Variants in NPEPPS observed in about 807,000 individuals in gnomAD.
NPEPPS encodes aminopeptidase puromycin sensitive.
In NPEPPS, 14 loss-of-function variants were observed where a neutral mutation model predicts 115.5. The observed-to-expected ratio is 0.12, with a 90% CI of 0.08 to 0.19. The LOEUF is 0.19. Ranked by LOEUF, NPEPPS falls within the 10% of genes least tolerant of loss-of-function variation. The pLI, the probability that NPEPPS is intolerant of heterozygous loss-of-function variation, is 1.00. For synonymous variants in NPEPPS, 285 were observed against 390.6 expected (o/e 0.73, Z 3.19); for missense variants, 523 against 1,110.8 (o/e 0.47, Z 7.52).
intron 9 of NPEPPS, among the ~76,000 whole-genome samples, chr17:47,587,603 A>G (rs1464854549): frequency 1.3e-5 from 2 of 152,296 alleles, no homozygotes; most frequent in East Asian, 3.9e-4. Context: ...AAGTCAAGAT[A>G]CTAATTTGGG....
intron 19 of NPEPPS, among the ~76,000 whole-genome samples, chr17:47,615,698 C>A (rs1422584837): frequency 2.0e-4 from 30 of 152,100 alleles, no homozygotes. Context: ...TCCATCTATT[C>A]CATGATGATA....
At chr17:47,605,276 T>G in intron 16 of NPEPPS, 57 bp from the exon 17 acceptor site, 1 of 1,307,198 alleles carries the variant, frequency 7.6e-7, no homozygotes, top group Non-Finnish European at 1.1e-6. Flanking sequence ...AAATGCATGC[T>G]TATGTTTTTT....
chr17:47,600,362 T>C (rs1913116820), intron 14 of NPEPPS, among the ~76,000 whole-genome samples: 1 of 151,826 alleles, frequency 6.6e-6, no homozygotes, highest in African/African-American at 2.4e-5. Flanking sequence ...CTTGAGCCCA[T>C]GAGATCGAGG....
chr17:47,599,622 A>C (rs1187107386), intron 13 of NPEPPS, 54 bp from the exon 14 acceptor site: 7 of 1,479,242 alleles, frequency 4.7e-6, no homozygotes, highest in African/African-American at 1.4e-5. Context: ...AAAAACAAAA[A>C]CCAAAACCCC....
intron 1 of NPEPPS, among the ~76,000 whole-genome samples, chr17:47,544,867 C>T (rs1909082728): frequency 6.7e-6 from 1 of 148,600 alleles, no homozygotes; most frequent in Non-Finnish European, 1.5e-5. Flanking sequence ...TGTGTGCCAC[C>T]AGACCTGGCT....
rs1296819543 is a variant in NPEPPS, at chr17:47,618,392, G to A, written c.2338G>A (p.Glu780Lys). The A allele has an allele frequency of 6.2e-7, 1 of 1,613,664 alleles. No homozygotes were observed. Among genetic ancestry groups the A allele is most frequent in the African/African-American group, 1.3e-5 (1 of 74,962 alleles). Reference sequence around the variant, plus strand: ...TATGCAAGAAGAGAAAAACCGAATCGAAAGAGTCCTTGGCGCTACTCTTTT... The same window carrying A: ...TATGCAAGAAGAGAAAAACCGAATCAAAAGAGTCCTTGGCGCTACTCTTTT... The part of the protein sequence containing the change: ...ADMQEEKNRI[E>K]RVLGATLLPD... The change falls in exon 20 of 23, where the codon GAA becomes AAA. Residue 780 changes from glutamate to lysine, a missense_variant. This residue lies in a region of NPEPPS where 372 missense variants were observed against 542.6 expected (regional missense o/e 0.69). Transcript: ENST00000322157.
At chr17:47,594,645 T>TGTTATGTTATG in intron 12 of NPEPPS, among the ~76,000 whole-genome samples, 2 of 149,964 alleles carry the variant, frequency 1.3e-5, no homozygotes, top group African/African-American at 4.9e-5. Context: ...TGTTATGTTA[T>TGTTATGTTATG]TTTTTGAGAC....
intron 21 of NPEPPS, 100 bp from the exon 22 acceptor site, chr17:47,619,637 C>A: frequency 1.1e-6 from 1 of 940,138 alleles, no homozygotes; most frequent in Non-Finnish European, 1.7e-6. Context: ...TTATAACAGA[C>A]TGAAGTTGGC....
intron 2 of NPEPPS, among the ~76,000 whole-genome samples, chr17:47,553,903 A>G (rs1429379921): frequency 6.6e-6 from 1 of 151,848 alleles, no homozygotes. Context: ...GGCGCATGCC[A>G]CCACACCTGG....
Position 47,622,710 on chromosome 17 carries a change from CAT to C in NPEPPS, c.*791_*792del. ...ACATTAAATAAGAGAAACTGATATA[CAT>C]TATTTTTTTCTTTTTAAAGATGACT... On this transcript the variant is annotated 3_prime_UTR_variant, in exon 23 of 23. Transcript: ENST00000322157. 5.2e-6 allele frequency: 2 copies of C among 387,190 alleles called. No homozygotes were observed. The highest frequency in any genetic ancestry group is 4.0e-5 in the South Asian group (2 of 50,628). The allele number at this position is 387,190 out of a possible 1,614,324, so 24.0% of individuals were successfully genotyped here.
Position 47,522,976 on chromosome 17 carries a change from G to T in NPEPPS, c.-11G>T. 2.0e-6 allele frequency: 3 copies of T among 1,484,428 alleles called. 1 individual carries two copies. Among genetic ancestry groups the T allele is most frequent in the Non-Finnish European group, 2.7e-6 (3 of 1,100,444 alleles). 92.0% of individuals were successfully genotyped at this position (1,484,428 alleles called of 1,614,324 possible). ...CATTTTAAGTTACGGAAGAGTCAAGGCTGGGACCTCATGGCATCATTTTCC... is the reference window on the plus strand; with the variant it reads ...CATTTTAAGTTACGGAAGAGTCAAGTCTGGGACCTCATGGCATCATTTTCC... On this transcript the variant is annotated 5_prime_UTR_variant, in exon 1 of 6. Coordinates refer to the NPEPPS transcript ENST00000525007.
At chr17:47,583,147 C>T (rs1434176070) in intron 5 of NPEPPS, among the ~76,000 whole-genome samples, 9 of 151,798 alleles carry the variant, frequency 5.9e-5, no homozygotes, top group Non-Finnish European at 1.2e-4. Context: ...CATGCCCAGC[C>T]AAGACCTCTT....
rs376975784 is a variant in NPEPPS at position 47,605,472 on chromosome 17, A to G, written c.2015A>G (p.Tyr672Cys). ...ACTCTCTTGTCCCACACAGACTTCT[A>G]TGAGGAAATCCAGGAGTTTGTGAAA... ...LSTLLSHTDF[Y>C]EEIQEFVKDV... Residue 672 changes from tyrosine (Y) to cysteine (C), a missense_variant, in exon 17 of 23, where the codon TAT (tyrosine) becomes TGT (cysteine). Tyr to Cys is a radical substitution (Grantham distance 194). This residue lies in a region of NPEPPS where 372 missense variants were observed against 542.6 expected (regional missense o/e 0.69). Transcript: ENST00000322157. 3 of 1,607,920 alleles carry G rather than the reference A, an allele frequency of 1.9e-6. No individual in the cohort carries two copies. Among genetic ancestry groups the G allele is most frequent in the South Asian group, 1.1e-5 (1 of 89,668 alleles).
At chr17:47,563,755 A>G (rs1175174441) in intron 2 of NPEPPS, among the ~76,000 whole-genome samples, 1 of 151,878 alleles carries the variant, frequency 6.6e-6, no homozygotes, top group East Asian at 1.9e-4. Context: ...TATTTTTAGT[A>G]GAGACGGGGT....
chr17:47,557,252 A>G (rs1910111457), intron 2 of NPEPPS, among the ~76,000 whole-genome samples: 1 of 151,522 alleles, frequency 6.6e-6, no homozygotes. Flanking sequence ...TAATTTTTGT[A>G]TTTTTAGTAG....
intron 2 of NPEPPS, among the ~76,000 whole-genome samples, chr17:47,558,925 C>G (rs796984274): frequency 3.9e-5 from 6 of 152,084 alleles, no homozygotes; most frequent in African/African-American, 1.4e-4. Flanking sequence ...TCCCCCCTAC[C>G]TGAGAGGCTG....
chr17:47,568,590 CA>C (rs56969181), intron 2 of NPEPPS, among the ~76,000 whole-genome samples: 58,955 of 150,156 alleles, frequency 0.39, 12,162 homozygotes, highest in East Asian at 0.54. Context: ...AGTCTCTTCT[CA>C]TTCCTGGCAG....
chr17:47,559,723 AG>A, intron 2 of NPEPPS: 1 of 449,902 alleles, frequency 2.2e-6, no homozygotes, highest in South Asian at 1.6e-5. Context: ...AGCCCAAAGG[AG>A]GGGGTCATTT....
chr17:47,589,348 T>C (rs989787501), intron 9 of NPEPPS, among the ~76,000 whole-genome samples: 6 of 152,080 alleles, frequency 3.9e-5, no homozygotes, highest in Admixed American at 6.6e-5. Flanking sequence ...TTCATCTTCC[T>C]GGGCTTATGT....
Sources: allele counts gnomAD v4.1 joint callset (sites outside exome capture counted in the v4.1 genomes callset), GRCh38; gene constraint gnomAD v4.1.1; regional missense constraint gnomAD v4.1.1; transcripts MANE v1.5; gene names NCBI Gene and HGNC (gene_info 2026-07-23, HGNC 2026-07-21).